PKP2: variants seen among roughly 807,000 people sequenced by gnomAD.
The protein encoded by PKP2 is plakophilin-2.
A neutral mutation model predicts 83.4 loss-of-function variants in PKP2; 73 were observed. The ratio of observed to expected loss-of-function variants is 0.88; its 90% CI spans 0.72 to 1.06. The LOEUF is 1.06. PKP2 is among the 50% of genes least tolerant of loss of function. The pLI is 0.00. For synonymous variants in PKP2, 409 were observed against 430.4 expected (o/e 0.95, Z 0.62); for missense variants, 966 against 1,065.4 (o/e 0.91, Z 1.30).
chr12:32,810,449 C>A (rs1956266639), intron 9 of PKP2, among the ~76,000 whole-genome samples: 2 of 152,072 alleles, frequency 1.3e-5, no homozygotes, highest in Non-Finnish European at 2.9e-5. Flanking sequence ...CAGAGTTGTG[C>A]CAGTCATGCA....
intron 6 of PKP2, among the ~76,000 whole-genome samples, chr12:32,827,026 T>C (rs1956448378): frequency 6.6e-6 from 1 of 152,252 alleles, no homozygotes; most frequent in Non-Finnish European, 1.5e-5. Context: ...CTTTGGCCTT[T>C]TCAACCTCTG....
intron 5 of PKP2, among the ~76,000 whole-genome samples, chr12:32,846,166 C>CTAAA (rs1388843898): frequency 3.3e-5 from 5 of 152,170 alleles, no homozygotes; most frequent in Non-Finnish European, 7.3e-5. Context: ...GCACTCTTAT[C>CTAAA]ATGACTTGTC....
Position 32,878,166 on chromosome 12 carries a change from C to T in PKP2, c.714G>A (p.Pro238=), listed in dbSNP as rs727503372. The change falls in exon 3 of 13, where the codon CCG becomes CCA. Residue 238 remains proline (P), a synonymous_variant. Coordinates refer to ENST00000340811, the MANE Select transcript of PKP2 (RefSeq NM_001005242.3). ...CTGGCCTGGGGTACGTGAGCAGGGCCGGGTTGGCAGGGATGCTGTCAAAAA... is the reference window on the plus strand; with the variant it reads ...CTGGCCTGGGGTACGTGAGCAGGGCTGGGTTGGCAGGGATGCTGTCAAAAA... ...DTVFDSIPAN[P]ALLTYPRPGT... is the part of the protein sequence containing the mutation. 3.3e-5 allele frequency: 54 copies of T among 1,614,070 alleles called. No individual in the cohort carries two copies. The highest frequency in any genetic ancestry group is 2.0e-4 in the Admixed American group (12 of 59,994).
chr12:32,848,053 C>A (rs1467111342), intron 5 of PKP2, among the ~76,000 whole-genome samples: 3 of 152,234 alleles, frequency 2.0e-5, no homozygotes, highest in Admixed American at 6.5e-5. Context: ...CTTTTAATTT[C>A]TACAGGCATT....
intron 5 of PKP2, among the ~76,000 whole-genome samples, chr12:32,846,927 C>A (rs902582230): frequency 3.9e-5 from 6 of 151,990 alleles, no homozygotes; most frequent in Non-Finnish European, 7.4e-5. Flanking sequence ...CAAACCTGGG[C>A]TTTGTTCTTT....
At chr12:32,833,949 G>A (rs1956523139) in intron 6 of PKP2, among the ~76,000 whole-genome samples, 1 of 152,076 alleles carries the variant, frequency 6.6e-6, no homozygotes, top group African/African-American at 2.4e-5. Flanking sequence ...GACTTTTTAG[G>A]GCTTTATGAA....
intron 4 of PKP2, among the ~76,000 whole-genome samples, chr12:32,851,959 T>C (rs1324338880): frequency 6.6e-6 from 1 of 152,212 alleles, no homozygotes; most frequent in Non-Finnish European, 1.5e-5. Flanking sequence ...GGGAAACAAA[T>C]TGATCTAAGA....
Position 32,835,934 on chromosome 12 carries a change from C to T in PKP2, c.1556+5094G>A, listed in dbSNP as rs960083027. On this transcript the variant is annotated intron_variant, in intron 6 of 12. Coordinates refer to ENST00000340811, the MANE Select transcript of PKP2 (RefSeq NM_001005242.3). ...TGTTGAGACTACTGGCACACACCAC[C>T]ATGCCTGGCTTGTTTGCCAGTTTCT... is the stretch of plus-strand genomic sequence containing the variant. Among the ~76,000 whole-genome samples, 10 of 152,312 alleles carry T rather than the reference C, an allele frequency of 6.6e-5. No homozygotes were observed. In the East Asian group the frequency reaches 9.7e-4, roughly 15 times the overall value.
intron 3 of PKP2, among the ~76,000 whole-genome samples, chr12:32,869,290 C>T (rs141269600): frequency 7.1e-4 from 108 of 152,232 alleles, no homozygotes; most frequent in Non-Finnish European, 1.3e-3. Context: ...CGATGTCATT[C>T]GATTGAATTA....
At chr12:32,830,704 C>T (rs1248463390) in intron 6 of PKP2, among the ~76,000 whole-genome samples, 1 of 152,032 alleles carries the variant, frequency 6.6e-6, no homozygotes, top group Non-Finnish European at 1.5e-5. Context: ...GTCAGGAGTT[C>T]AAGACCGCCT....
intron 3 of PKP2, among the ~76,000 whole-genome samples, chr12:32,872,224 A>AG (rs932075797): frequency 6.6e-6 from 1 of 152,096 alleles, no homozygotes; most frequent in African/African-American, 2.4e-5. Flanking sequence ...GAGACATTAC[A>AG]GGGGGAGAAA....
In PKP2 at chr12:32,877,949, C is replaced by G. The variant is rs1956947554; in HGVS notation, c.931G>C (p.Asp311His). The G allele has an allele frequency of 3.7e-6, 6 of 1,614,098 alleles. No homozygotes were observed. Among genetic ancestry groups the G allele is most frequent in the Non-Finnish European group, 5.1e-6 (6 of 1,180,048 alleles). ...LREAGPSVAV[D>H]SSGRRAHLTV... Reference sequence around the variant, plus strand: ...AAGTGCGCTCTCCTCCCGCTGGAATCCACGGCGACACTGGGCCCAGCTTCC... The same window carrying G: ...AAGTGCGCTCTCCTCCCGCTGGAATGCACGGCGACACTGGGCCCAGCTTCC... Residue 311 changes from aspartate to histidine, a missense_variant, in exon 3 of 13, where the codon GAT becomes CAT. Physicochemically the swap from Asp to His is moderately conservative, Grantham distance 81. Coordinates refer to ENST00000340811, the MANE Select transcript of PKP2 (RefSeq NM_001005242.3).
chr12:32,873,214 C>T (rs1401620222), intron 3 of PKP2, among the ~76,000 whole-genome samples: 1 of 152,130 alleles, frequency 6.6e-6, no homozygotes, highest in East Asian at 1.9e-4. Context: ...ATTCTGTTGC[C>T]TCAGCCTCCT....
At chr12:32,826,500 T>C (rs1014472630) in intron 6 of PKP2, among the ~76,000 whole-genome samples, 9 of 152,036 alleles carry the variant, frequency 5.9e-5, no homozygotes, top group Non-Finnish European at 1.3e-4. Flanking sequence ...ACTAAGAATA[T>C]ACTAACAATT....
intron 5 of PKP2, among the ~76,000 whole-genome samples, chr12:32,850,350 G>A (rs1019474648): frequency 2.0e-5 from 3 of 152,062 alleles, no homozygotes; most frequent in Admixed American, 6.6e-5. Context: ...TCAGGAGTTC[G>A]AGACCAGCCT....
In PKP2 at chr12:32,796,170, C is replaced by T. The variant is rs779956129; in HGVS notation, c.2296G>A (p.Ala766Thr). 6.2e-7 allele frequency: 1 copy of T among 1,613,918 alleles called. No homozygotes were observed. The highest frequency in any genetic ancestry group is 1.3e-5 in the African/African-American group (1 of 74,870). ...CCCCCGGTGTTTAGAAGGTCGCGTG[C>T]ATTCTGGTAACTGTTTTGGATTATG... ...NNIIQNSYQN[A>T]RDLLNTGGIQ... is the part of the protein sequence containing the mutation. Residue 766 changes from alanine to threonine, a missense_variant, in exon 11 of 13, where the codon GCA (alanine) becomes ACA (threonine). Coordinates refer to ENST00000340811, the MANE Select transcript of PKP2 (RefSeq NM_001005242.3).
At chr12:32,865,093 G>A (rs1956834896) in intron 4 of PKP2, among the ~76,000 whole-genome samples, 1 of 152,160 alleles carries the variant, frequency 6.6e-6, no homozygotes, top group Admixed American at 6.5e-5. Flanking sequence ...TAATCTTACA[G>A]GCTGGGTGTG....
chr12:32,894,072 C>A lies in PKP2; in HGVS notation c.223+2437G>T, dbSNP rs145208960. 1,306 of 152,246 alleles carry A rather than the reference C, an allele frequency of 8.6e-3. 1 individual carries two copies. The highest frequency in any genetic ancestry group is 0.026 in the South Asian group (126 of 4,818). The allele number at this position is 152,246 out of a possible 1,614,324, so 9.4% of individuals were successfully genotyped here. A position where few individuals can be genotyped will look rare whatever the true frequency, so the allele number is the denominator to read the frequency against. ...GTAGCTGAGTAGCTGGGATTACCGG[C>A]ATGTGCCACCACGCCCGGCTAATTT... On this transcript the variant is annotated intron_variant, in intron 1 of 12. Transcript: ENST00000340811.
At chr12:32,836,818 A>T (rs1956548982) in intron 6 of PKP2, among the ~76,000 whole-genome samples, 1 of 152,234 alleles carries the variant, frequency 6.6e-6, no homozygotes, top group Non-Finnish European at 1.5e-5. Flanking sequence ...TGAGCTGTAG[A>T]CATAAATGAG....
Sources: allele counts gnomAD v4.1 joint callset (sites outside exome capture counted in the v4.1 genomes callset), GRCh38; gene constraint gnomAD v4.1.1; transcripts MANE v1.5; gene names NCBI Gene and HGNC (gene_info 2026-07-23, HGNC 2026-07-21).